Variants in ATP7B observed in about 807,000 individuals in gnomAD.
ATP7B encodes the protein ATPase copper transporting beta, also known as copper-transporting ATPase 2.
ATP7B carries 113 observed loss-of-function variants against 118.9 expected under a neutral mutation model. The ratio of observed to expected loss-of-function variants is 0.95; its 90% CI spans 0.82 to 1.11. The LOEUF (loss-of-function observed/expected upper bound fraction) is 1.11, where lower values mean the gene tolerates loss of function less well. Among genes scored for constraint, ATP7B ranks in the 50% most tolerant of loss-of-function variants. The pLI is 0.00. For synonymous variants in ATP7B, 777 were observed against 727.4 expected, an observed-to-expected ratio of 1.07 and a Z score of -1.10; for missense variants, 1,867 against 1,871.4, an observed-to-expected ratio of 1.00 and a Z score of 0.04.
chr13:51,966,661 T>C, intron 4 of ATP7B: 2 of 1,192,120 alleles, frequency 1.7e-6, no homozygotes, highest in Non-Finnish European at 2.4e-6. Flanking sequence ...ATGGTTTTTT[T>C]AAAAAAAGAA....
Position 51,974,656 on chromosome 13 carries a change from CTGA to C in ATP7B, c.561_563del (p.Tyr187_Gln188delinsTer), listed in dbSNP as rs2140096745. 1.9e-6 allele frequency: 3 copies of C among 1,611,430 alleles called. No homozygotes were observed. The highest frequency in any genetic ancestry group is 2.5e-6 in the Non-Finnish European group (3 of 1,177,960). ...GGTCTTCGGGCTGAATGAGATAAGG[CTGA>C]TAAGTGATGACGGCCTCTTGGTTGC... On this transcript the variant is annotated stop_gained and inframe_deletion, in exon 2 of 21. Coordinates refer to ENST00000242839, the MANE Select transcript of ATP7B (RefSeq NM_000053.4). LOFTEE classifies it high-confidence loss of function.
chr13:52,005,971 G>A (rs1953749607), intron 1 of ATP7B, among the ~76,000 whole-genome samples: 1 of 152,232 alleles, frequency 6.6e-6, no homozygotes, highest in South Asian at 2.1e-4. Context: ...GGAACACCTG[G>A]CCCGCCCAGG....
At chr13:51,985,387 C>T (rs1952607288) in intron 1 of ATP7B, among the ~76,000 whole-genome samples, 1 of 152,156 alleles carries the variant, frequency 6.6e-6, no homozygotes, top group Non-Finnish European at 1.5e-5. Flanking sequence ...TATATATGCA[C>T]CCAATACAGG....
rs2139201007 is a variant in ATP7B at position 51,950,005 on chromosome 13, A to T, written c.2730+2T>A. 5 of 1,614,220 alleles carry T rather than the reference A, an allele frequency of 3.1e-6. No individual in the cohort carries two copies. The highest frequency in any genetic ancestry group is 4.2e-6 in the Non-Finnish European group (5 of 1,180,030). On this transcript the variant is annotated splice_donor_variant, in intron 11 of 20. Transcript: ENST00000242839. LOFTEE classifies it high-confidence loss of function. ...AGTTAGTTTTAAAAATTTCTTCATT[A>T]CCTTTGACATCTGAGCCTCTTCCAC... is the stretch of plus-strand genomic sequence containing the variant.
chr13:52,009,952 A>C (rs1007098674), intron 1 of ATP7B, among the ~76,000 whole-genome samples: 1 of 152,202 alleles, frequency 6.6e-6, no homozygotes, highest in African/African-American at 2.4e-5. Context: ...CACAATGCCC[A>C]GCACACAGTA....
At position 51,944,224 on chromosome 13, in the gene ATP7B, A is replaced by G. The variant is rs1412025509; in HGVS notation, c.3128T>C (p.Leu1043Pro). Residue 1043 changes from leucine (L) to proline (P), a missense_variant, in exon 14 of 21, where the codon CTC (leucine) becomes CCC (proline). Physicochemically the swap from Leu to Pro is moderately conservative, Grantham distance 98. Transcript: ENST00000242839. ...CAGTGTGGCCACATCCCCCAGCAGGAGCACCCGCATGACCCTGGGGACGCC... is the reference window on the plus strand; with the variant it reads ...CAGTGTGGCCACATCCCCCAGCAGGGGCACCCGCATGACCCTGGGGACGCC... ...THGVPRVMRV[L>P]LLGDVATLPL... 7.4e-6 allele frequency: 12 copies of G among 1,614,002 alleles called. No homozygotes were observed. Among genetic ancestry groups the G allele is most frequent in the Non-Finnish European group, 1.0e-5 (12 of 1,180,032 alleles).
At chr13:52,011,991 A>C, upstream of ATP7B, 1 of 321,014 alleles carries the variant, frequency 3.1e-6, no homozygotes. Flanking sequence ...TCCCAAAGGA[A>C]GCAACCGCGG....
chr13:51,999,849 A>G (rs906577961), intron 1 of ATP7B, among the ~76,000 whole-genome samples: 6 of 152,104 alleles, frequency 3.9e-5, no homozygotes, highest in African/African-American at 1.4e-4. Context: ...TCTCCGAGAC[A>G]GTGGTCCTAT....
At chr13:51,975,696 G>A in intron 1 of ATP7B, 2 of 438,314 alleles carry the variant, frequency 4.6e-6, no homozygotes, top group South Asian at 3.2e-5. Context: ...TCTTAGCAGA[G>A]GTTAAATGTG....
chr13:51,949,630 A>G (rs200096844), intron 12 of ATP7B, 32 bp downstream of exon 12: 67 of 1,611,506 alleles, frequency 4.2e-5, no homozygotes, highest in Admixed American at 1.0e-4. Context: ...TTTAAAACAC[A>G]ACCACCATAT....
At chr13:51,963,637 G>T (rs564409003) in intron 5 of ATP7B, among the ~76,000 whole-genome samples, 1 of 150,666 alleles carries the variant, frequency 6.6e-6, no homozygotes, top group South Asian at 2.1e-4. Flanking sequence ...TCGGGGAACC[G>T]AGGCAGGAGA....
In ATP7B at chr13:51,944,308, C is replaced by A; in HGVS notation, c.3061-17G>T. 1 of 1,613,620 alleles carries A rather than the reference C, an allele frequency of 6.2e-7. No individual in the cohort carries two copies. Among genetic ancestry groups the A allele is most frequent in the Non-Finnish European group, 8.5e-7 (1 of 1,179,982 alleles). On this transcript the variant is annotated splice_polypyrimidine_tract_variant and intron_variant, in intron 13 of 20. Transcript: ENST00000242839. ...AGTCTTTATCTGCCAAAAACAACCA[C>A]AACTCACTGACCACAATACAGATGG...
intron 6 of ATP7B, among the ~76,000 whole-genome samples, chr13:51,960,828 T>C (rs1470736646): frequency 1.3e-5 from 2 of 152,128 alleles, no homozygotes; most frequent in Non-Finnish European, 2.9e-5. Context: ...ATGAACACCA[T>C]AGTTTGGAAT....
In ATP7B at chr13:51,968,504, C is replaced by A. The variant is rs2139890554; in HGVS notation, c.1647G>T (p.Leu549=). 3 of 1,614,188 alleles carry A rather than the reference C, an allele frequency of 1.9e-6. No homozygotes were observed. The highest frequency in any genetic ancestry group is 2.5e-6 in the Non-Finnish European group (3 of 1,180,030). ...CCTCCATGACTGCTGCCTCAAAACC[C>A]AGGTCCTGGATGAACTGAGCTATCT... ...PLEIAQFIQD[L]GFEAAVMEDY... The change falls in exon 4 of 21, where the codon CTG becomes CTT. Residue 549 remains leucine, a synonymous_variant. Coordinates refer to ENST00000242839, the MANE Select transcript of ATP7B (RefSeq NM_000053.4).
At chr13:51,942,879 A>C (rs915200077) in intron 14 of ATP7B, among the ~76,000 whole-genome samples, 1 of 152,236 alleles carries the variant, frequency 6.6e-6, no homozygotes, top group Admixed American at 6.5e-5. Flanking sequence ...AAGGCAACTC[A>C]TATCAAACAC....
chr13:51,983,767 C>T (rs575696536), intron 1 of ATP7B, among the ~76,000 whole-genome samples: 1 of 152,292 alleles, frequency 6.6e-6, no homozygotes, highest in South Asian at 2.1e-4. Context: ...CTCAGGCAAA[C>T]AGGGTCTGGA....
intron 1 of ATP7B, among the ~76,000 whole-genome samples, chr13:51,976,129 A>C (rs950901559): frequency 6.6e-6 from 1 of 152,250 alleles, no homozygotes; most frequent in African/African-American, 2.4e-5. Context: ...CAGCTGTCTT[A>C]ACTAGATATA....
At chr13:51,958,994 C>T (rs1958547497) in intron 7 of ATP7B, 1 of 215,354 alleles carries the variant, frequency 4.6e-6, no homozygotes, top group Non-Finnish European at 9.4e-6. Flanking sequence ...AAGTCTGTAT[C>T]TGTATTACGT....
At chr13:51,976,407 G>A (rs1384401474) in intron 1 of ATP7B, among the ~76,000 whole-genome samples, 1 of 152,190 alleles carries the variant, frequency 6.6e-6, no homozygotes, top group African/African-American at 2.4e-5. Context: ...ATCCACAAAG[G>A]TTTGGGATTA....
Sources: gnomAD v4.1 joint callset for allele counts (sites outside exome capture counted in the v4.1 genomes callset) on GRCh38, gnomAD v4.1.1 for gene constraint, MANE v1.5 for transcripts, NCBI Gene and HGNC (gene_info 2026-07-23, HGNC 2026-07-21) for gene names.